Variants in SLC12A3 observed in about 807,000 individuals in gnomAD.
The protein encoded by SLC12A3 is solute carrier family 12 member 3, also known as Na-Cl cotransporter.
In SLC12A3, 104 loss-of-function variants were observed where a neutral mutation model predicts 121.0. The ratio of observed to expected loss-of-function variants is 0.86; its 90% CI spans 0.73 to 1.01. The LOEUF is 1.01. Among genes scored for constraint, SLC12A3 ranks in the 50% least tolerant of loss-of-function variants. The pLI is 0.00. For missense variants in SLC12A3, 1,328 were observed against 1,356.3 expected, an observed-to-expected ratio of 0.98 and a Z score of 0.33; for synonymous variants, 536 against 533.4, an observed-to-expected ratio of 1.00 and a Z score of -0.07.
In SLC12A3 at chr16:56,872,446, C is replaced by T; in HGVS notation, c.948C>T (p.Gly316=). ...CATCTGAGGACAAGGCCTCCAAAGG[C>T]TTCTTCAGCTACCGGGGTATGTGCT... ...IPPSEDKASK[G]FFSYRADIFV... is the part of the protein sequence containing the mutation. The change falls in exon 7 of 26, where the codon GGC becomes GGT. Residue 316 remains glycine (G), a synonymous_variant. Coordinates refer to ENST00000563236, the MANE Select transcript of SLC12A3 (RefSeq NM_001126108.2). The T allele has an allele frequency of 6.2e-7, 1 of 1,613,712 alleles. No individual in the cohort carries two copies. The highest frequency in any genetic ancestry group is 8.5e-7 in the Non-Finnish European group (1 of 1,179,680).
intron 8 of SLC12A3, among the ~76,000 whole-genome samples, chr16:56,877,019 C>T (rs145049761): frequency 8.6e-4 from 131 of 152,366 alleles, no homozygotes; most frequent in African/African-American, 3.1e-3. Flanking sequence ...CAGGCCACTT[C>T]TCAGGAAATT....
chr16:56,902,437 A>T lies in SLC12A3; in HGVS notation c.2785A>T (p.Thr929Ser). The T allele has an allele frequency of 1.3e-6, 2 of 1,597,266 alleles. No homozygotes were observed. The highest frequency in any genetic ancestry group is 8.6e-7 in the Non-Finnish European group (1 of 1,169,304). Residue 929 changes from threonine (T) to serine (S), a missense_variant, in exon 24 of 26, where the codon ACT becomes TCT. Transcript: ENST00000563236. ...GAATGATGGCTTCAAGGATGAGGCC[A>T]CTGTCAACGAGATGCGGCGGGACTG... is the stretch of plus-strand genomic sequence containing the variant. ...RLNDGFKDEA[T>S]VNEMRRDCPW...
At chr16:56,878,789 C>T (rs1325454285) in intron 9 of SLC12A3, among the ~76,000 whole-genome samples, 1 of 152,190 alleles carries the variant, frequency 6.6e-6, no homozygotes, top group Non-Finnish European at 1.5e-5. Context: ...GCTTGAGATC[C>T]AGGTCTCCGA....
At chr16:56,911,307 T>TTTG (rs2055681545) in intron 25 of SLC12A3, among the ~76,000 whole-genome samples, 3 of 148,338 alleles carry the variant, frequency 2.0e-5, no homozygotes, top group East Asian at 2.0e-4. Flanking sequence ...TTTTGAGACC[T>TTTG]TTTGTTTGTT....
At chr16:56,908,161 CTT>C (rs55644914) in intron 25 of SLC12A3, among the ~76,000 whole-genome samples, 15 of 96,954 alleles carry the variant, frequency 1.5e-4, no homozygotes, top group African/African-American at 1.4e-4. Context: ...AGTGATATAA[CTT>C]TTTTTTTTTT....
At chr16:56,873,822 A>G (rs1391521757) in intron 8 of SLC12A3, among the ~76,000 whole-genome samples, 1 of 149,174 alleles carries the variant, frequency 6.7e-6, no homozygotes, top group East Asian at 2.0e-4. Flanking sequence ...AGTGATTCTC[A>G]TGCCTCAGCC....
At position 56,886,391 on chromosome 16, in the gene SLC12A3, C is replaced by A; in HGVS notation, c.1953C>A (p.Pro651=). ...CCCAGTGCCTGGTGCTCACGGGGCC[C>A]CCCAACTTCCGCCCGGCCCTGGTGG... ...YRPQCLVLTG[P]PNFRPALVDF... Residue 651 remains proline, a synonymous_variant, in exon 16 of 26, where the codon CCC becomes CCA. Transcript: ENST00000563236. 3 of 1,614,108 alleles carry A rather than the reference C, an allele frequency of 1.9e-6. No individual in the cohort carries two copies. The highest frequency in any genetic ancestry group is 2.5e-6 in the Non-Finnish European group (3 of 1,180,020).
In SLC12A3 at chr16:56,879,175, C is replaced by A; in HGVS notation, c.1283C>A (p.Thr428Asn). ...GLACSYGWNF[T>N]ECTQQHSCHY... is the part of the protein sequence containing the mutation. ...GCCTGCAGCTATGGCTGGAACTTCACCGAGTGCACCCAGCAGCACAGCTGC... is the reference window on the plus strand; with the variant it reads ...GCCTGCAGCTATGGCTGGAACTTCAACGAGTGCACCCAGCAGCACAGCTGC... The change falls in exon 10 of 26, where the codon ACC becomes AAC. Residue 428 changes from threonine to asparagine, a missense_variant. Physicochemically the swap from Thr to Asn is moderately conservative, Grantham distance 65. Transcript: ENST00000563236. The A allele has an allele frequency of 6.2e-7, 1 of 1,613,196 alleles. No homozygotes were observed. The highest frequency in any genetic ancestry group is 1.1e-5 in the South Asian group (1 of 91,086).
intron 8 of SLC12A3, among the ~76,000 whole-genome samples, chr16:56,875,786 G>A (rs1413560688): frequency 2.1e-5 from 3 of 140,072 alleles, no homozygotes; most frequent in Admixed American, 7.0e-5. Context: ...TGTGCCTAAC[G>A]TTGTTAAATC....
chr16:56,878,057 T>A lies in SLC12A3; in HGVS notation c.1096-20T>A. On this transcript the variant is annotated intron_variant, in intron 8 of 25. Transcript: ENST00000563236. ...CTCTCTCCCTCCCTCCCTCCCTCCC[T>A]CTCTCCCTCCCTCCTTCAGGACCCT... 1 of 250,400 alleles carries A rather than the reference T, an allele frequency of 4.0e-6. No individual in the cohort carries two copies. Among genetic ancestry groups the A allele is most frequent in the Non-Finnish European group, 7.5e-6 (1 of 133,064 alleles). 15.5% of individuals were successfully genotyped at this position (250,400 alleles called of 1,614,324 possible).
chr16:56,902,676 G>C (rs1000937023), intron 24 of SLC12A3, among the ~76,000 whole-genome samples, 168 bp downstream of exon 24: 29 of 152,104 alleles, frequency 1.9e-4, no homozygotes, highest in African/African-American at 7.0e-4. Context: ...TGGGTAACCC[G>C]GCTGTGGAAC....
chr16:56,889,636 G>A (rs1009357259), intron 18 of SLC12A3, among the ~76,000 whole-genome samples: 1 of 152,144 alleles, frequency 6.6e-6, no homozygotes, highest in African/African-American at 2.4e-5. Context: ...ACCACGCCCG[G>A]CTAATTTTTG....
chr16:56,880,266 C>T lies in SLC12A3; in HGVS notation c.1567+13C>T. ...TTCATCATCATCGGTAAGGCTCTGC[C>T]AGGGCTCACAGGGCCTGGCCTCCTG... is the stretch of plus-strand genomic sequence containing the variant. On this transcript the variant is annotated intron_variant, in intron 12 of 25. Coordinates refer to ENST00000563236, the MANE Select transcript of SLC12A3 (RefSeq NM_001126108.2). 1 of 1,567,836 alleles carries T rather than the reference C, an allele frequency of 6.4e-7. No homozygotes were observed. The highest frequency in any genetic ancestry group is 1.3e-5 in the African/African-American group (1 of 74,140).
intron 24 of SLC12A3, among the ~76,000 whole-genome samples, chr16:56,904,106 C>G (rs954168229): frequency 6.6e-6 from 1 of 152,194 alleles, no homozygotes; most frequent in African/African-American, 2.4e-5. Flanking sequence ...GAGCTGAGAT[C>G]TGAACCTAGT....
Position 56,872,732 on chromosome 16 carries a change from C to A in SLC12A3, c.1041C>A (p.Phe347Leu). 1 of 1,614,258 alleles carries A rather than the reference C, an allele frequency of 6.2e-7. No individual in the cohort carries two copies. Among genetic ancestry groups the A allele is most frequent in the Non-Finnish European group, 8.5e-7 (1 of 1,180,032 alleles). Residue 347 changes from phenylalanine (F) to leucine (L), a missense_variant, in exon 8 of 26, where the codon TTC becomes TTA. Coordinates refer to ENST00000563236, the MANE Select transcript of SLC12A3 (RefSeq NM_001126108.2). The part of the protein sequence containing the change: ...DGTFFGMFSI[F>L]FPSATGILAG... ...CCTTCTTCGGAATGTTCTCCATCTT[C>A]TTCCCCTCGGCCACAGGCATCCTGG...
chr16:56,869,706 T>A (rs759674021), intron 3 of SLC12A3, 23 bp from the exon 4 acceptor site: 3 of 1,609,580 alleles, frequency 1.9e-6, no homozygotes, highest in Non-Finnish European at 2.6e-6. Flanking sequence ...ATGCCCTGCC[T>A]AAGCTTTGGG....
chr16:56,899,664 T>G, intron 23 of SLC12A3, 48 bp downstream of exon 23: 1 of 1,331,612 alleles, frequency 7.5e-7, no homozygotes, highest in Non-Finnish European at 1.1e-6. Flanking sequence ...ACTGTGTGCC[T>G]GGAGACCCCT....
intron 14 of SLC12A3, among the ~76,000 whole-genome samples, chr16:56,884,428 C>T (rs2055284154): frequency 6.6e-6 from 1 of 151,936 alleles, no homozygotes; most frequent in South Asian, 2.1e-4. Context: ...GCACCCAGGA[C>T]CCTGGAATCC....
intron 24 of SLC12A3, among the ~76,000 whole-genome samples, chr16:56,903,147 T>C (rs150222626): frequency 0.075 from 10,415 of 139,224 alleles, 468 homozygotes; most frequent in East Asian, 0.23. Context: ...AGACTCCGTC[T>C]CAAAAAAAAA....
Sources: allele counts gnomAD v4.1 joint callset (sites outside exome capture counted in the v4.1 genomes callset), GRCh38; gene constraint gnomAD v4.1.1; transcripts MANE v1.5; gene names NCBI Gene and HGNC (gene_info 2026-07-23, HGNC 2026-07-21).